The following TENM3 variants were observed in gnomAD, a reference collection of about 807,000 sequenced individuals.
TENM3 encodes teneurin transmembrane protein 3.
In TENM3, 63 loss-of-function variants were observed where a neutral mutation model predicts 255.1. The ratio of observed to expected loss-of-function variants is 0.25; its 90% CI spans 0.20 to 0.30. The LOEUF is 0.30. TENM3 is among the 10% of genes least tolerant of loss of function. The probability of loss-of-function intolerance (pLI) is 1.00; values close to 1 mark genes in which losing one functional copy is unlikely to be tolerated. For synonymous variants in TENM3, 1,306 were observed against 1,322.3 expected (o/e 0.99, Z 0.27); for missense variants, 2,929 against 3,461.1 (o/e 0.85, Z 3.86).
chr4:181,888,492 G>GTGTATATATA, the TENM3 span, among the ~76,000 whole-genome samples: 130 of 15,788 alleles, frequency 8.2e-3, 6 homozygotes, highest in Admixed American at 0.012. Context: ...CAATAGAAAT[G>GTGTATATATA]TGTATATATA....
chr4:181,729,447 G>T, the TENM3 span, among the ~76,000 whole-genome samples: 1 of 152,144 alleles, frequency 6.6e-6, no homozygotes, highest in Non-Finnish European at 1.5e-5. Context: ...CGGGTCACAG[G>T]AACTAATGAG....
intron 4 of TENM3, among the ~76,000 whole-genome samples, chr4:182,613,527 AGCTGTGGTTAT>A (rs1258426752): frequency 6.6e-6 from 1 of 152,162 alleles, no homozygotes; most frequent in African/African-American, 2.4e-5. Context: ...CTTTTTACAT[AGCTGTGGTTAT>A]GCTTAAATTT....
chr4:182,114,614 A>G, the TENM3 span, among the ~76,000 whole-genome samples: 3 of 152,138 alleles, frequency 2.0e-5, no homozygotes, highest in African/African-American at 7.2e-5. Context: ...TACCTCTATT[A>G]AAATGCATAA....
At chr4:182,469,589 C>T (rs1267523443) in intron 3 of TENM3, among the ~76,000 whole-genome samples, 1 of 152,050 alleles carries the variant, frequency 6.6e-6, no homozygotes, top group African/African-American at 2.4e-5. Context: ...TGGCGCTCAC[C>T]TGTAGTCCCA....
chr4:181,497,291 G>A, the TENM3 span, among the ~76,000 whole-genome samples: 77 of 152,228 alleles, frequency 5.1e-4, no homozygotes, highest in Non-Finnish European at 8.1e-4. Flanking sequence ...CCTCATCAGC[G>A]AAGTTATAAT....
chr4:182,780,850 C>G (rs1162759651), intron 24 of TENM3, among the ~76,000 whole-genome samples: 2 of 150,480 alleles, frequency 1.3e-5, no homozygotes, highest in Non-Finnish European at 2.9e-5. Context: ...TGATTTGGCT[C>G]TCTGTTTGTC....
At chr4:181,695,220 A>G in the TENM3 span, among the ~76,000 whole-genome samples, 1 of 152,156 alleles carries the variant, frequency 6.6e-6, no homozygotes, top group Admixed American at 6.5e-5. Context: ...GACCCCAGAA[A>G]TGTCTTGGAA....
the TENM3 span, among the ~76,000 whole-genome samples, chr4:181,966,556 T>C: frequency 6.6e-6 from 1 of 151,984 alleles, no homozygotes; most frequent in Admixed American, 6.6e-5. Context: ...ATAAAGCCAA[T>C]CAAGGAGAAT....
At chr4:182,146,717 A>G (rs1749993237) in intron 1 of TENM3, among the ~76,000 whole-genome samples, 1 of 152,180 alleles carries the variant, frequency 6.6e-6, no homozygotes, top group Non-Finnish European at 1.5e-5. Flanking sequence ...CACCATGCTA[A>G]CGTTTATATA....
chr4:182,713,663 G>A (rs1028355177), intron 12 of TENM3, among the ~76,000 whole-genome samples: 3 of 152,078 alleles, frequency 2.0e-5, no homozygotes, highest in African/African-American at 4.8e-5. Flanking sequence ...AAGCAACAAG[G>A]TGCTTTAAGA....
At chr4:182,567,842 C>A (rs1226468890) in intron 3 of TENM3, among the ~76,000 whole-genome samples, 54 of 127,186 alleles carry the variant, frequency 4.2e-4, no homozygotes, top group African/African-American at 7.3e-4. Context: ...GAATGTAATC[C>A]AAAAAAAAAA....
chr4:182,401,526 T>C (rs1769213941), intron 3 of TENM3, among the ~76,000 whole-genome samples: 1 of 152,200 alleles, frequency 6.6e-6, no homozygotes, highest in Non-Finnish European at 1.5e-5. Flanking sequence ...ATGTGTGGTA[T>C]TTTACAATAA....
At chr4:181,801,463 C>G in the TENM3 span, among the ~76,000 whole-genome samples, 1 of 151,846 alleles carries the variant, frequency 6.6e-6, no homozygotes. Flanking sequence ...CTCATTTCTC[C>G]AGGTGGTGAA....
intron 3 of TENM3, among the ~76,000 whole-genome samples, chr4:182,549,097 T>A (rs1334539769): frequency 6.6e-6 from 1 of 152,200 alleles, no homozygotes; most frequent in African/African-American, 2.4e-5. Flanking sequence ...CGGCTCCAGA[T>A]ATAATTCTAA....
chr4:182,667,957 A>G (rs1039174956), intron 6 of TENM3, among the ~76,000 whole-genome samples: 8 of 142,836 alleles, frequency 5.6e-5, no homozygotes, highest in Non-Finnish European at 1.1e-4. Flanking sequence ...ATAAATACAT[A>G]AATACATTAA....
intron 3 of TENM3, among the ~76,000 whole-genome samples, chr4:182,361,301 G>A (rs1045776904): frequency 2.0e-5 from 3 of 152,150 alleles, no homozygotes; most frequent in Non-Finnish European, 2.9e-5. Flanking sequence ...CCTGGATAAT[G>A]TCCTGCAGAG....
chr4:182,179,790 G>GTTTGAAATATAAGTCAAATTTAATA (rs1752732267), intron 1 of TENM3, among the ~76,000 whole-genome samples: 1 of 152,162 alleles, frequency 6.6e-6, no homozygotes, highest in South Asian at 2.1e-4. Flanking sequence ...TATTGTTTAT[G>GTTTGAAATATAAGTCAAATTTAATA]TTTGAAATAT....
chr4:181,471,916 G>A, the TENM3 span, among the ~76,000 whole-genome samples: 1 of 152,096 alleles, frequency 6.6e-6, no homozygotes. Context: ...GGACACAAGG[G>A]AATGATCTAA....
chr4:182,572,844 G>T (rs1744533636), intron 3 of TENM3, among the ~76,000 whole-genome samples: 1 of 152,078 alleles, frequency 6.6e-6, no homozygotes, highest in Non-Finnish European at 1.5e-5. Flanking sequence ...ATCTTGTGGG[G>T]GTCAGAAGTG....
Sources: allele counts gnomAD v4.1 joint callset (sites outside exome capture counted in the v4.1 genomes callset), GRCh38; gene constraint gnomAD v4.1.1; transcripts MANE v1.5; gene names NCBI Gene and HGNC (gene_info 2026-07-23, HGNC 2026-07-21).